Variants in RYR2 observed in about 807,000 individuals in gnomAD.
RYR2 encodes cardiac muscle ryanodine receptor-calcium release channel.
In RYR2, 227 loss-of-function variants were observed where a neutral mutation model predicts 601.1. The observed-to-expected ratio is 0.38, with a 90% CI of 0.34 to 0.42. The LOEUF (loss-of-function observed/expected upper bound fraction) is 0.42. Ranked by LOEUF, RYR2 falls within the 10% of genes least tolerant of loss-of-function variation. The pLI, the probability that RYR2 is intolerant of heterozygous loss-of-function variation, is 1.00. For synonymous variants in RYR2, 2,223 were observed against 2,175.1 expected, an observed-to-expected ratio of 1.02 and a Z score of -0.61; for missense variants, 4,646 against 6,156.5, an observed-to-expected ratio of 0.75 and a Z score of 8.21.
At chr1:237,529,867 G>T (rs1372826972) in intron 24 of RYR2, among the ~76,000 whole-genome samples, 2 of 151,524 alleles carry the variant, frequency 1.3e-5, no homozygotes, top group Non-Finnish European at 2.9e-5. Flanking sequence ...AACAATTGAT[G>T]CCTTTAGAGG....
chr1:237,361,496 A>T (rs1007695196), intron 4 of RYR2, among the ~76,000 whole-genome samples: 1 of 152,192 alleles, frequency 6.6e-6, no homozygotes, highest in Non-Finnish European at 1.5e-5. Context: ...TCCTTAATGG[A>T]AACTTCACGC....
intron 41 of RYR2, among the ~76,000 whole-genome samples, chr1:237,629,042 A>G (rs1679983221): frequency 6.6e-6 from 1 of 152,174 alleles, no homozygotes; most frequent in African/African-American, 2.4e-5. Flanking sequence ...TCATTGGAAG[A>G]CCTTCTAAAA....
At chr1:237,683,112 G>A (rs544730703) in intron 62 of RYR2, among the ~76,000 whole-genome samples, 1 of 152,098 alleles carries the variant, frequency 6.6e-6, no homozygotes, top group Non-Finnish European at 1.5e-5. Flanking sequence ...AAAAATATTG[G>A]TAGGGTATAA....
chr1:237,288,695 C>T (rs561131576), intron 2 of RYR2, among the ~76,000 whole-genome samples: 13 of 152,012 alleles, frequency 8.6e-5, no homozygotes, highest in African/African-American at 1.9e-4. Flanking sequence ...TGTTTCCAGG[C>T]GGAGGGTGTG....
intron 3 of RYR2, among the ~76,000 whole-genome samples, chr1:237,349,001 G>GA (rs942285369): frequency 1.3e-5 from 2 of 152,094 alleles, no homozygotes; most frequent in East Asian, 1.9e-4. Flanking sequence ...AGAATAAAGG[G>GA]AAAAAATCAT....
intron 1 of RYR2, among the ~76,000 whole-genome samples, chr1:237,148,525 A>ATAT (rs1288744725): frequency 1.8e-4 from 15 of 81,532 alleles, no homozygotes; most frequent in South Asian, 4.4e-4. Flanking sequence ...TAAAAAAAAA[A>ATAT]AAATATATAT....
In RYR2 at chr1:237,830,425, G is replaced by A. The variant is rs112680829; in HGVS notation, c.14656-105G>A. Reference sequence around the variant, plus strand: ...CAGCCTCCATGTGATGATCTTTGACGTGTATTGAGTGAACCAAATAATAGC... The same window carrying A: ...CAGCCTCCATGTGATGATCTTTGACATGTATTGAGTGAACCAAATAATAGC... On this transcript the variant is annotated intron_variant, in intron 102 of 104. Transcript: ENST00000366574. 3.1e-3 allele frequency: 2,301 copies of A among 737,776 alleles called. 40 individuals carry two copies. In the African/African-American group the frequency reaches 0.034, roughly 11 times the overall value. The allele number at this position is 737,776 out of a possible 1,614,324, so 45.7% of individuals were successfully genotyped here.
intron 25 of RYR2, among the ~76,000 whole-genome samples, chr1:237,546,883 C>G (rs1248736544): frequency 2.0e-5 from 3 of 150,806 alleles, no homozygotes; most frequent in Non-Finnish European, 4.4e-5. Flanking sequence ...TGGACAAACT[C>G]CCTGCTTTCA....
At chr1:237,772,779 T>C (rs1057008849) in intron 86 of RYR2, among the ~76,000 whole-genome samples, 1 of 151,928 alleles carries the variant, frequency 6.6e-6, no homozygotes, top group Non-Finnish European at 1.5e-5. Flanking sequence ...TTTTTCTAAC[T>C]GAAAGCTTAA....
At chr1:237,227,336 G>A (rs1684479738) in intron 1 of RYR2, among the ~76,000 whole-genome samples, 2 of 152,164 alleles carry the variant, frequency 1.3e-5, no homozygotes, top group East Asian at 1.9e-4. Flanking sequence ...GAAGTATCAT[G>A]TTGCACAGTT....
intron 1 of RYR2, among the ~76,000 whole-genome samples, chr1:237,246,944 T>C (rs528148339): frequency 1.3e-5 from 2 of 152,360 alleles, no homozygotes; most frequent in Non-Finnish European, 2.9e-5. Context: ...TAGTGGAAGA[T>C]GCATACAAAG....
At chr1:237,213,694 G>T (rs1682835639) in intron 1 of RYR2, among the ~76,000 whole-genome samples, 1 of 151,920 alleles carries the variant, frequency 6.6e-6, no homozygotes, top group Non-Finnish European at 1.5e-5. Flanking sequence ...TTTCCACGAG[G>T]TTTATAGTGT....
intron 1 of RYR2, among the ~76,000 whole-genome samples, chr1:237,056,944 G>A (rs1230104503): frequency 2.0e-5 from 3 of 152,216 alleles, no homozygotes; most frequent in South Asian, 2.1e-4. Flanking sequence ...CTCCAGAGCT[G>A]AGAGATAATA....
chr1:237,660,937 A>G lies in RYR2; in HGVS notation c.8426A>G (p.Gln2809Arg). ...TACAACCGGACTCGTCGTATTTCTC[A>G]GACAAGCCAGGTAAGAATTCATCAC... is the stretch of plus-strand genomic sequence containing the variant. ...ALYNRTRRISQTSQVSVDAAH... is the reference protein window; with the variant it reads ...ALYNRTRRISRTSQVSVDAAH... The change falls in exon 56 of 105, where the codon CAG becomes CGG. Residue 2809 changes from glutamine (Q) to arginine (R), a missense_variant. Around this residue, in one of 17 missense-constraint regions of RYR2, gnomAD observed 1,497 missense variants for 1,842.6 expected, o/e 0.81. Transcript: ENST00000366574. 2.8e-6 allele frequency: 4 copies of G among 1,427,130 alleles called. No homozygotes were observed. Among genetic ancestry groups the G allele is most frequent in the Non-Finnish European group, 3.7e-6 (4 of 1,082,790 alleles). The allele number at this position is 1,427,130 out of a possible 1,614,324, so 88.4% of individuals were successfully genotyped here. A position where few individuals can be genotyped will look rare whatever the true frequency, so the allele number is the denominator to read the frequency against.
chr1:237,480,157 G>C (rs138758887), intron 17 of RYR2, among the ~76,000 whole-genome samples: 3,439 of 152,170 alleles, frequency 0.023, 104 homozygotes, highest in African/African-American at 0.069. Context: ...GGTGGCTCAT[G>C]CCTGTAATCC....
intron 62 of RYR2, among the ~76,000 whole-genome samples, chr1:237,683,480 G>A (rs956367899): frequency 6.6e-6 from 1 of 152,186 alleles, no homozygotes. Context: ...ATATAGAGGG[G>A]CGAGAGATTT....
At chr1:237,445,168 C>A (rs554305436) in intron 13 of RYR2, among the ~76,000 whole-genome samples, 3 of 151,980 alleles carry the variant, frequency 2.0e-5, no homozygotes, top group African/African-American at 7.2e-5. Context: ...GGCAACATAG[C>A]AAGACCCCAT....
At chr1:237,646,051 G>T (rs1573317128) in intron 48 of RYR2, among the ~76,000 whole-genome samples, 1 of 151,826 alleles carries the variant, frequency 6.6e-6, no homozygotes, top group Non-Finnish European at 1.5e-5. Flanking sequence ...TAATTCTTTT[G>T]TATTTTTCGT....
At chr1:237,478,190 T>C (rs187573014) in intron 17 of RYR2, among the ~76,000 whole-genome samples, 1 of 152,344 alleles carries the variant, frequency 6.6e-6, no homozygotes, top group East Asian at 1.9e-4. Flanking sequence ...TCATTCTATT[T>C]CTATCTTCTT....
Sources: gnomAD v4.1 joint callset for allele counts (sites outside exome capture counted in the v4.1 genomes callset) on GRCh38, gnomAD v4.1.1 for gene constraint, gnomAD v4.1.1 regional missense constraint, MANE v1.5 for transcripts, NCBI Gene and HGNC (gene_info 2026-07-23, HGNC 2026-07-21) for gene names.